Variants in SEC24A observed in about 807,000 individuals in gnomAD.
The protein encoded by SEC24A is protein transport protein Sec24A.
A neutral mutation model predicts 129.4 loss-of-function variants in SEC24A; 93 were observed. That is an observed-to-expected ratio of 0.72 (90% CI 0.61 to 0.85). SEC24A has a LOEUF of 0.85. Ranked by LOEUF, SEC24A falls within the 40% of genes least tolerant of loss-of-function variation. The probability of loss-of-function intolerance (pLI) is 0.00; values close to 1 mark genes in which losing one functional copy is unlikely to be tolerated. For synonymous variants in SEC24A, 460 were observed against 467.3 expected (o/e 0.98, Z 0.20); for missense variants, 1,264 against 1,307.4 (o/e 0.97, Z 0.51).
At chr5:134,681,626 G>A (rs1245985835) in intron 8 of SEC24A, among the ~76,000 whole-genome samples, 1 of 152,048 alleles carries the variant, frequency 6.6e-6, no homozygotes, top group Non-Finnish European at 1.5e-5. Flanking sequence ...AAAAGTTGAA[G>A]CCCCTTTCAT....
intron 17 of SEC24A, 21 bp downstream of exon 17, chr5:134,705,458 T>C: frequency 6.9e-7 from 1 of 1,448,596 alleles, no homozygotes; most frequent in Non-Finnish European, 9.7e-7. Context: ...TTATCTGTTA[T>C]AAATATCTTA....
chr5:134,707,913 G>A (rs1752213204), intron 17 of SEC24A, among the ~76,000 whole-genome samples: 1 of 151,774 alleles, frequency 6.6e-6, no homozygotes, highest in African/African-American at 2.4e-5. Context: ...CTAAATAAGA[G>A]GCCAACTTGG....
intron 8 of SEC24A, among the ~76,000 whole-genome samples, chr5:134,680,870 C>T (rs1364407719): frequency 3.3e-5 from 5 of 151,946 alleles, no homozygotes; most frequent in African/African-American, 1.2e-4. Context: ...GAGGCCGAGG[C>T]GGTGGATCAC....
At chr5:134,654,935 T>C (rs1750188501) in intron 1 of SEC24A, among the ~76,000 whole-genome samples, 1 of 152,004 alleles carries the variant, frequency 6.6e-6, no homozygotes, top group Admixed American at 6.6e-5. Context: ...CAGGCTGGTC[T>C]CGAACTCCTG....
chr5:134,684,999 G>A (rs1192328803), intron 9 of SEC24A, among the ~76,000 whole-genome samples: 1 of 152,186 alleles, frequency 6.6e-6, no homozygotes, highest in Non-Finnish European at 1.5e-5. Flanking sequence ...TAAAAGTACA[G>A]TTGACTCTGT....
chr5:134,718,518 A>G (rs1448191801), intron 20 of SEC24A, among the ~76,000 whole-genome samples: 1 of 152,158 alleles, frequency 6.6e-6, no homozygotes, highest in Non-Finnish European at 1.5e-5. Context: ...AGGAGATGAC[A>G]TCTCTATGCA....
rs74354035 is a variant in SEC24A at position 134,711,372 on chromosome 5, T to C, written c.2727+2484T>C. Among the ~76,000 whole-genome samples, 535 of 151,984 alleles carry C rather than the reference T, an allele frequency of 3.5e-3. 3 individuals carry two copies. Among genetic ancestry groups the C allele is most frequent in the African/African-American group, 0.012 (496 of 41,472 alleles). On this transcript the variant is annotated intron_variant, in intron 18 of 22. Transcript: ENST00000398844. ...AAAGCACCTGAAGCAGCACTGCAGA[T>C]TCCAGAACTGTTCAAGGACTGCTGG...
intron 1 of SEC24A, among the ~76,000 whole-genome samples, chr5:134,653,233 C>G (rs73295466): frequency 0.013 from 2,005 of 152,110 alleles, 35 homozygotes; most frequent in African/African-American, 0.046. Context: ...GCCACCATAC[C>G]CGTTCCAGTT....
Position 134,708,824 on chromosome 5 carries a change from C to T in SEC24A, c.2663C>T (p.Pro888Leu), listed in dbSNP as rs1157893470. The T allele has an allele frequency of 1.2e-6, 2 of 1,614,140 alleles. No individual in the cohort carries two copies. The highest frequency in any genetic ancestry group is 1.7e-5 in the Admixed American group (1 of 59,990). ...TCTTCAGTCTTAAGTAACCAGCAGC[C>T]TGGACTCATGGTTCCTTTTTCTTTG... Reference protein sequence around the residue: ...YRSSVLSNQQPGLMVPFSLRL... With the variant: ...YRSSVLSNQQLGLMVPFSLRL... The change falls in exon 18 of 23, where the codon CCT becomes CTT. Residue 888 changes from proline to leucine, a missense_variant. Coordinates refer to ENST00000398844, the MANE Select transcript of SEC24A (RefSeq NM_021982.3).
intron 13 of SEC24A, among the ~76,000 whole-genome samples, chr5:134,694,814 C>T (rs1189052045): frequency 2.1e-5 from 3 of 145,232 alleles, no homozygotes; most frequent in Non-Finnish European, 3.0e-5. Flanking sequence ...AGCAAAACTC[C>T]GTCTCAAAAA....
rs191582772 is a variant in SEC24A, at chr5:134,697,680, G to A, written c.2108-219G>A. Among the ~76,000 whole-genome samples, 37 of 152,150 alleles carry A rather than the reference G, an allele frequency of 2.4e-4. No individual in the cohort carries two copies. In the East Asian group the frequency reaches 4.6e-3, roughly 19 times the overall value. ...CTGAGGTGGGAAGAGTGCTTGAGGTGGAGAGGTCAAGGCTGCAGTGAGCCC... is the reference window on the plus strand; with the variant it reads ...CTGAGGTGGGAAGAGTGCTTGAGGTAGAGAGGTCAAGGCTGCAGTGAGCCC... On this transcript the variant is annotated intron_variant, in intron 14 of 22. Coordinates refer to ENST00000398844, the MANE Select transcript of SEC24A (RefSeq NM_021982.3).
At chr5:134,683,926 G>T (rs1043208486) in intron 9 of SEC24A, among the ~76,000 whole-genome samples, 1 of 152,138 alleles carries the variant, frequency 6.6e-6, no homozygotes, top group Non-Finnish European at 1.5e-5. Flanking sequence ...TAGGCCTTTT[G>T]ATTTGGTTAC....
chr5:134,660,192 T>C (rs1300063971), intron 1 of SEC24A, among the ~76,000 whole-genome samples: 2 of 145,650 alleles, frequency 1.4e-5, no homozygotes, highest in East Asian at 2.0e-4. Context: ...TGAGTCTCTG[T>C]CTCTACAAAA....
intron 15 of SEC24A, among the ~76,000 whole-genome samples, chr5:134,698,710 C>G (rs1751908520): frequency 6.9e-6 from 1 of 145,636 alleles, no homozygotes; most frequent in Non-Finnish European, 1.5e-5. Context: ...TGGCTAACTG[C>G]AACCTCCACC....
At chr5:134,651,782 A>G (rs987553360) in intron 1 of SEC24A, among the ~76,000 whole-genome samples, 3 of 151,884 alleles carry the variant, frequency 2.0e-5, no homozygotes, top group African/African-American at 7.3e-5. Context: ...TTTATTGTTC[A>G]TCCTGCTAAT....
At chr5:134,723,523 A>G (rs1752679678) in intron 21 of SEC24A, 44 bp from the exon 22 acceptor site, 2 of 1,125,420 alleles carry the variant, frequency 1.8e-6, no homozygotes. Flanking sequence ...CATACATTAG[A>G]TATGTAATTA....
chr5:134,666,422 T>C (rs961937337), intron 2 of SEC24A, among the ~76,000 whole-genome samples: 5 of 152,096 alleles, frequency 3.3e-5, no homozygotes, highest in African/African-American at 1.2e-4. Flanking sequence ...CCGGGCATGG[T>C]TTCACATGCC....
intron 19 of SEC24A, among the ~76,000 whole-genome samples, chr5:134,717,686 C>T (rs528096844): frequency 1.3e-5 from 2 of 152,132 alleles, no homozygotes; most frequent in South Asian, 2.1e-4. Flanking sequence ...GAGGCCGAGG[C>T]GGGTGGATCA....
Position 134,690,817 on chromosome 5 carries a change from A to G in SEC24A, c.1724-1785A>G, listed in dbSNP as rs1236578799. On this transcript the variant is annotated intron_variant, in intron 11 of 22. Transcript: ENST00000398844. ...CTGATTCACTTGATTTTGCAGTCCC[A>G]TTAATTTTGTTTGTTCGTTTTGTTT... 2.6e-5 allele frequency among the ~76,000 whole-genome samples: 4 copies of G among 152,176 alleles called. No homozygotes were observed. In the East Asian group the frequency reaches 5.8e-4, roughly 22 times the overall value.
Sources: gnomAD v4.1 joint callset for allele counts (sites outside exome capture counted in the v4.1 genomes callset) on GRCh38, gnomAD v4.1.1 for gene constraint, MANE v1.5 for transcripts, NCBI Gene and HGNC (gene_info 2026-07-23, HGNC 2026-07-21) for gene names.